Variants in GRM5 observed in about 807,000 individuals in gnomAD.
The protein encoded by GRM5 is metabotropic glutamate receptor 5.
A neutral mutation model predicts 83.1 loss-of-function variants in GRM5; 19 were observed. The ratio of observed to expected loss-of-function variants is 0.23; its 90% CI spans 0.16 to 0.34. GRM5 has a LOEUF of 0.34. GRM5 is among the 10% of genes least tolerant of loss of function. The pLI, the probability that GRM5 is intolerant of heterozygous loss-of-function variation, is 1.00. For synonymous variants in GRM5, 675 were observed against 633.6 expected (o/e 1.07, Z -0.98); for missense variants, 1,160 against 1,588.3 (o/e 0.73, Z 4.58).
chr11:88,951,263 T>C (rs1938453511), intron 2 of GRM5, among the ~76,000 whole-genome samples: 2 of 152,358 alleles, frequency 1.3e-5, no homozygotes, highest in Admixed American at 1.3e-4. Flanking sequence ...GCTTTTACAA[T>C]GTTTTACTGT....
At chr11:88,649,224 G>T (rs1464376256) in intron 4 of GRM5, among the ~76,000 whole-genome samples, 2 of 134,364 alleles carry the variant, frequency 1.5e-5, no homozygotes, top group Admixed American at 8.0e-5. Flanking sequence ...ACACATATAT[G>T]TATATATAGT....
intron 2 of GRM5, among the ~76,000 whole-genome samples, chr11:89,023,168 C>T (rs923704186): frequency 1.2e-4 from 18 of 148,440 alleles, no homozygotes; most frequent in South Asian, 4.2e-4. Context: ...TGTGTGTGCG[C>T]GCGCGTGCAC....
At chr11:88,523,270 A>G (rs970233715) in intron 9 of GRM5, among the ~76,000 whole-genome samples, 1 of 152,128 alleles carries the variant, frequency 6.6e-6, no homozygotes, top group Non-Finnish European at 1.5e-5. Context: ...TGTATTGCCC[A>G]ATATTTTGCC....
At chr11:88,565,783 A>G (rs903559638) in intron 8 of GRM5, among the ~76,000 whole-genome samples, 2 of 152,212 alleles carry the variant, frequency 1.3e-5, no homozygotes, top group Non-Finnish European at 2.9e-5. Context: ...GTCTTGTACA[A>G]TGTACGTAGA....
At chr11:88,909,969 T>C (rs761056315) in intron 2 of GRM5, among the ~76,000 whole-genome samples, 9 of 152,050 alleles carry the variant, frequency 5.9e-5, no homozygotes, top group Non-Finnish European at 1.2e-4. Flanking sequence ...AGGGTAAAAT[T>C]CAGTGGCATC....
chr11:88,661,609 C>T lies in GRM5; in HGVS notation c.912-8206G>A, dbSNP rs556968565. 7.9e-5 allele frequency among the ~76,000 whole-genome samples: 12 copies of T among 152,190 alleles called. No individual in the cohort carries two copies. The East Asian group carries it at 1.5e-3, about 20-fold the overall frequency. ...AAAAAATTCTAATAGTGGGAGTCTA[C>T]GGACTACTTGGCTGTTTTCACATAA... is the stretch of plus-strand genomic sequence containing the variant. On this transcript the variant is annotated intron_variant, in intron 3 of 9. Coordinates refer to ENST00000305447, the MANE Select transcript of GRM5 (RefSeq NM_001143831.3).
chr11:89,039,767 T>C (rs2135138870), intron 2 of GRM5, among the ~76,000 whole-genome samples: 1 of 152,300 alleles, frequency 6.6e-6, no homozygotes, highest in Non-Finnish European at 1.5e-5. Context: ...TGATTTCAAA[T>C]TGCATAACCA....
chr11:88,830,455 T>C (rs1353739541), intron 3 of GRM5, among the ~76,000 whole-genome samples: 2 of 152,156 alleles, frequency 1.3e-5, no homozygotes, highest in African/African-American at 4.8e-5. Flanking sequence ...ACACTTTGAA[T>C]GTATTGCCTT....
intron 3 of GRM5, among the ~76,000 whole-genome samples, chr11:88,838,537 G>A (rs1944135410): frequency 6.6e-6 from 1 of 152,130 alleles, no homozygotes; most frequent in South Asian, 2.1e-4. Context: ...CAAAGATTTG[G>A]TTTTCATTTA....
In GRM5 at chr11:88,798,840, C is replaced by CA. The variant is rs1163307345; in HGVS notation, c.911+51065dup. Among the ~76,000 whole-genome samples, 742 of 111,794 alleles carry CA rather than the reference C, an allele frequency of 6.6e-3. 4 individuals carry two copies. The highest frequency in any genetic ancestry group is 0.023 in the African/African-American group (681 of 29,426). The allele number at this position is 111,794 out of a possible 152,430, so 73.3% of individuals were successfully genotyped here. On this transcript the variant is annotated intron_variant, in intron 3 of 9. Transcript: ENST00000305447. ...AAAAAAAAAAAAACAACAACAACAACAAAAAAAAACTGCAACAGTGGAGCT... is the reference window on the plus strand; with the variant it reads ...AAAAAAAAAAAAACAACAACAACAACAAAAAAAAAACTGCAACAGTGGAGCT...
intron 3 of GRM5, among the ~76,000 whole-genome samples, chr11:88,723,762 G>A (rs1316908037): frequency 6.6e-6 from 1 of 152,018 alleles, no homozygotes; most frequent in Non-Finnish European, 1.5e-5. Context: ...CCTTATCTTA[G>A]CCAGGCATCA....
chr11:88,566,031 G>A (rs7119545), intron 8 of GRM5, among the ~76,000 whole-genome samples: 8,194 of 152,230 alleles, frequency 0.054, 704 homozygotes, highest in African/African-American at 0.18. Context: ...TAGTTCAAGA[G>A]ATGTTATTTA....
At chr11:88,522,090 G>A (rs551739314) in intron 9 of GRM5, among the ~76,000 whole-genome samples, 37 of 152,194 alleles carry the variant, frequency 2.4e-4, no homozygotes, top group African/African-American at 8.9e-4. Context: ...ACCCCTCCCT[G>A]GAACTAGCTA....
In GRM5 at chr11:88,671,848, T is replaced by C. The variant is rs968001903; in HGVS notation, c.912-18445A>G. Among the ~76,000 whole-genome samples, 5 of 152,224 alleles carry C rather than the reference T, an allele frequency of 3.3e-5. No individual in the cohort carries two copies. In the East Asian group the frequency reaches 7.7e-4, roughly 24 times the overall value. ...GGTAAAGTTTTATTTCTGGATCTGATTGGTGTTTAAATGGGCTTGTTAATT... is the reference window on the plus strand; with the variant it reads ...GGTAAAGTTTTATTTCTGGATCTGACTGGTGTTTAAATGGGCTTGTTAATT... On this transcript the variant is annotated intron_variant, in intron 3 of 9. Transcript: ENST00000305447.
chr11:88,910,659 T>A (rs919817410), intron 2 of GRM5, among the ~76,000 whole-genome samples: 11 of 152,100 alleles, frequency 7.2e-5, no homozygotes, highest in African/African-American at 2.7e-4. Context: ...TCTAAGATTG[T>A]CAAATGGTTA....
chr11:88,914,529 A>C (rs1945557511), intron 2 of GRM5, among the ~76,000 whole-genome samples: 2 of 152,140 alleles, frequency 1.3e-5, no homozygotes, highest in South Asian at 4.1e-4. Context: ...AGGCAGCAAG[A>C]ACAGTTAGAA....
At chr11:88,511,491 G>A (rs1042424227) in intron 9 of GRM5, among the ~76,000 whole-genome samples, 1 of 152,062 alleles carries the variant, frequency 6.6e-6, no homozygotes, top group Non-Finnish European at 1.5e-5. Flanking sequence ...GCTCTTTCCT[G>A]TGAAATTTCT....
intron 2 of GRM5, among the ~76,000 whole-genome samples, chr11:88,921,166 G>C (rs1174092308): frequency 6.6e-6 from 1 of 151,850 alleles, no homozygotes; most frequent in Non-Finnish European, 1.5e-5. Context: ...CCATGACCAA[G>C]TGGAATTTAT....
chr11:88,562,278 AT>A (rs1942774886), intron 8 of GRM5, among the ~76,000 whole-genome samples: 1 of 152,062 alleles, frequency 6.6e-6, no homozygotes, highest in South Asian at 2.1e-4. Context: ...GAGCTATTTA[AT>A]TTTTCAAAGA....
Sources: gnomAD v4.1 joint callset for allele counts (sites outside exome capture counted in the v4.1 genomes callset) on GRCh38, gnomAD v4.1.1 for gene constraint, MANE v1.5 for transcripts, NCBI Gene and HGNC (gene_info 2026-07-23, HGNC 2026-07-21) for gene names.